The following MPP1 variants were observed in gnomAD, a reference collection of about 807,000 sequenced individuals.
MPP1 encodes MAGUK p55 scaffold protein 1, also known as 55 kDa erythrocyte membrane protein.
A neutral mutation model predicts 38.2 loss-of-function variants in MPP1; 6 were observed. That is an observed-to-expected ratio of 0.16 (90% CI 0.09 to 0.31). The LOEUF is 0.31. MPP1 is among the 10% of genes least tolerant of loss of function. The pLI, the probability that MPP1 is intolerant of heterozygous loss-of-function variation, is 1.00. For synonymous variants in MPP1, 153 were observed against 146.3 expected, an observed-to-expected ratio of 1.05 and a Z score of -0.33; for missense variants, 293 against 368.9, an observed-to-expected ratio of 0.79 and a Z score of 1.69.
intron 1 of MPP1, among the ~76,000 whole-genome samples, chrX:154,802,332 C>CA (rs1557268807): frequency 8.9e-6 from 1 of 112,289 alleles, no homozygotes; most frequent in Non-Finnish European, 1.9e-5. Flanking sequence ...GAGTAGGCAA[C>CA]AAACAACACT....
At position 154,781,243 on chromosome X, in the gene MPP1, G is replaced by A. The variant is rs782580819; in HGVS notation, c.1220C>T (p.Thr407Ile). The change falls in exon 11 of 12, where the codon ACT becomes ATT. Residue 407 changes from threonine (T) to isoleucine (I), a missense_variant. By Grantham distance (89) the Thr-to-Ile change is moderately conservative. Coordinates refer to ENST00000369534, the MANE Select transcript of MPP1 (RefSeq NM_002436.4). ...IVFIAPTDQGTQTEALQQLQK... is the reference protein window; with the variant it reads ...IVFIAPTDQGIQTEALQQLQK... ...TCGCGCACAACCTCTCCTCACCTGA[G>A]TGCCCTGGTCAGTAGGTGCAATGAA... 3.3e-6 allele frequency: 4 copies of A among 1,203,795 alleles called. No individual in the cohort carries two copies. Among genetic ancestry groups the A allele is most frequent in the Non-Finnish European group, 4.5e-6 (4 of 892,215 alleles).
In MPP1 at chrX:154,790,950, G is replaced by A. The variant is rs376229452; in HGVS notation, c.411+33C>T. The A allele has an allele frequency of 2.4e-5, 28 of 1,152,475 alleles. No individual in the cohort carries two copies. In the African/African-American group the frequency reaches 4.3e-4, roughly 18 times the overall value. The allele number at this position is 1,152,475 out of a possible 1,213,427, so 95.0% of individuals were successfully genotyped here. A position where few individuals can be genotyped will look rare whatever the true frequency, so the allele number is the denominator to read the frequency against. On this transcript the variant is annotated intron_variant, in intron 4 of 11. Transcript: ENST00000369534. ...GTGGATCAACACTTATGGAGACAATGGAAGGTCTTCATCTAGCATAGAAAA... is the reference window on the plus strand; with the variant it reads ...GTGGATCAACACTTATGGAGACAATAGAAGGTCTTCATCTAGCATAGAAAA...
chrX:154,790,991 T>C lies in MPP1; in HGVS notation c.403A>G (p.Lys135Glu). 1 of 1,210,826 alleles carries C rather than the reference T, an allele frequency of 8.3e-7. No individual in the cohort carries two copies. Among genetic ancestry groups the C allele is most frequent in the Non-Finnish European group, 1.1e-6 (1 of 894,663 alleles). The stretch of plus-strand genomic sequence containing the variant: ...GCATAGAAAATACCCACCATCGCCT[T>C]CTGCAGCTGATCCACTGAATGATTT... Reference protein sequence around the residue: ...VTNHSVDQLQKAMKETKGMIS... With the variant: ...VTNHSVDQLQEAMKETKGMIS... Residue 135 changes from lysine (K) to glutamate (E), a missense_variant, in exon 4 of 12, where the codon AAG (lysine) becomes GAG (glutamate). Lys to Glu is a moderately conservative substitution (Grantham distance 56). Coordinates refer to ENST00000369534, the MANE Select transcript of MPP1 (RefSeq NM_002436.4).
At position 154,791,789 on chromosome X, in the gene MPP1, C is replaced by T. The variant is rs2148533137; in HGVS notation, c.305G>A (p.Gly102Asp). Residue 102 changes from glycine to aspartate, a missense_variant, in exon 3 of 12, where the codon GGT (glycine) becomes GAT (aspartate). Transcript: ENST00000369534. ...AGTACCTTGTCTATGGATCATGCCA[C>T]CATGAAGAATTCTGGCCACCGTACA... Reference protein sequence around the residue: ...QSCTVARILHGGMIHRQGSLH... With the variant: ...QSCTVARILHDGMIHRQGSLH... 1 of 1,208,711 alleles carries T rather than the reference C, an allele frequency of 8.3e-7. No individual in the cohort carries two copies. The highest frequency in any genetic ancestry group is 1.8e-5 in the African/African-American group (1 of 57,120).
intron 5 of MPP1, among the ~76,000 whole-genome samples, chrX:154,789,753 T>G (rs1557267535): frequency 9.0e-6 from 1 of 111,296 alleles, no homozygotes; most frequent in East Asian, 2.8e-4. Flanking sequence ...CACTATGTTC[T>G]CCATTGAGGA....
chrX:154,796,289 C>T (rs113880198), intron 1 of MPP1, among the ~76,000 whole-genome samples: 2 of 110,157 alleles, frequency 1.8e-5, no homozygotes, highest in East Asian at 2.8e-4. Flanking sequence ...CGCCACCACA[C>T]CTGGCTAATT....
rs148895563 is a variant in MPP1 at position 154,791,809 on chromosome X, C to T, written c.285G>A (p.Thr95=). 921 of 1,208,823 alleles carry T rather than the reference C, an allele frequency of 7.6e-4. 1 individual carries two copies. The highest frequency in any genetic ancestry group is 3.4e-3 in the Middle Eastern group (15 of 4,352). Reference sequence around the variant, plus strand: ...TGCCACCATGAAGAATTCTGGCCACCGTACAGGACTGTTTTTCATTCAGCT... The same window carrying T: ...TGCCACCATGAAGAATTCTGGCCACTGTACAGGACTGTTTTTCATTCAGCT... ...TLKLNEKQSC[T]VARILHGGMI... Residue 95 remains threonine, a synonymous_variant, in exon 3 of 12, where the codon ACG becomes ACA. Transcript: ENST00000369534.
intron 1 of MPP1, among the ~76,000 whole-genome samples, chrX:154,793,489 G>A (rs1267125584): frequency 1.8e-5 from 2 of 111,695 alleles, no homozygotes; most frequent in African/African-American, 6.5e-5. Flanking sequence ...AACTTATTTT[G>A]AAATACCAGG....
At chrX:154,779,787 C>T (rs1603429807) in intron 11 of MPP1, among the ~76,000 whole-genome samples, 1 of 112,991 alleles carries the variant, frequency 8.9e-6, no homozygotes, top group Middle Eastern at 4.6e-3. Context: ...GGCACAATCT[C>T]GGCTCACTGC....
At chrX:154,788,875 T>C (rs1469831351) in intron 5 of MPP1, among the ~76,000 whole-genome samples, 1 of 111,989 alleles carries the variant, frequency 8.9e-6, no homozygotes, top group African/African-American at 3.3e-5. Context: ...TGAATGAGAA[T>C]GAAGCAATAT....
chrX:154,779,493 A>T, intron 11 of MPP1, 140 bp from the exon 12 acceptor site: 1 of 557,100 alleles, frequency 1.8e-6, no homozygotes, highest in Non-Finnish European at 2.8e-6. Flanking sequence ...AGACATTGTG[A>T]AAGAATGTTA....
chrX:154,784,818 G>C (rs1292216540), intron 7 of MPP1: 2 of 456,898 alleles, frequency 4.4e-6, no homozygotes, highest in Admixed American at 2.8e-5. Context: ...TGAGGGGTGG[G>C]GTGATGAGCA....
intron 1 of MPP1, among the ~76,000 whole-genome samples, chrX:154,797,649 C>T (rs183385441): frequency 9.0e-6 from 1 of 111,723 alleles, no homozygotes; most frequent in East Asian, 2.8e-4. Context: ...ATGTAAAGTG[C>T]AAAACTAGAA....
At chrX:154,789,302 A>G (rs1603430085) in intron 5 of MPP1, among the ~76,000 whole-genome samples, 1 of 111,721 alleles carries the variant, frequency 9.0e-6, no homozygotes, top group Non-Finnish European at 1.9e-5. Context: ...CTGATGAGCT[A>G]TGTGTGAACT....
chrX:154,784,313 TA>T (rs1435524919), intron 7 of MPP1, among the ~76,000 whole-genome samples: 6 of 111,102 alleles, frequency 5.4e-5, no homozygotes, highest in Non-Finnish European at 9.4e-5. Context: ...GGAGTTTATC[TA>T]ACTTTTGCAC....
At chrX:154,782,572 A>G (rs1043463933) in intron 9 of MPP1, 1 of 112,764 alleles carries the variant, frequency 8.9e-6, no homozygotes, top group Admixed American at 9.4e-5. Flanking sequence ...TCCATGTGTA[A>G]AAAAGCAAAA....
chrX:154,786,469 G>T, intron 5 of MPP1, 69 bp from the exon 6 acceptor site: 1 of 1,000,099 alleles, frequency 1.0e-6, no homozygotes, highest in Non-Finnish European at 1.4e-6. Context: ...AGCATGTCCT[G>T]CTGTAGACAA....
chrX:154,789,331 T>A (rs2072114833), intron 5 of MPP1, among the ~76,000 whole-genome samples: 1 of 111,989 alleles, frequency 8.9e-6, no homozygotes, highest in East Asian at 2.8e-4. Flanking sequence ...TTTCTCTTTA[T>A]ATCACCTCCA....
intron 1 of MPP1, among the ~76,000 whole-genome samples, chrX:154,793,381 A>G (rs1370669715): frequency 2.7e-5 from 3 of 112,652 alleles, no homozygotes; most frequent in Non-Finnish European, 5.6e-5. Context: ...AACTCTTACA[A>G]TTTAATAACA....
Sources: allele counts gnomAD v4.1 joint callset (sites outside exome capture counted in the v4.1 genomes callset), GRCh38; gene constraint gnomAD v4.1.1; transcripts MANE v1.5; gene names NCBI Gene and HGNC (gene_info 2026-07-23, HGNC 2026-07-21).